Variants in ADRA1D observed in about 807,000 individuals in gnomAD.
ADRA1D encodes alpha-1D adrenergic receptor.
ADRA1D carries 22 observed loss-of-function variants against 18.6 expected under a neutral mutation model. The ratio of observed to expected loss-of-function variants is 1.19; its 90% CI spans 0.85 to 1.69. ADRA1D has a LOEUF of 1.69. Among genes scored for constraint, ADRA1D ranks in the 40% most tolerant of loss-of-function variants. The probability of loss-of-function intolerance (pLI) is 0.00; values close to 1 mark genes in which losing one functional copy is unlikely to be tolerated. For missense variants in ADRA1D, 840 were observed against 840.7 expected (o/e 1.00, Z 0.01); for synonymous variants, 376 against 388.2 (o/e 0.97, Z 0.37).
At chr20:4,233,550 A>G (rs1981019291) in intron 1 of ADRA1D, among the ~76,000 whole-genome samples, 2 of 152,066 alleles carry the variant, frequency 1.3e-5, no homozygotes, top group African/African-American at 4.8e-5. Context: ...GAGATCTGTT[A>G]GAAAAAAAAA....
intron 1 of ADRA1D, among the ~76,000 whole-genome samples, chr20:4,227,085 G>GC (rs1363199176): frequency 6.6e-6 from 1 of 152,190 alleles, no homozygotes; most frequent in Admixed American, 6.5e-5. Flanking sequence ...ATGGGGAACT[G>GC]CCCCAAGACC....
At chr20:4,247,565 C>A (rs923695471) in intron 1 of ADRA1D, among the ~76,000 whole-genome samples, 1 of 152,150 alleles carries the variant, frequency 6.6e-6, no homozygotes, top group Non-Finnish European at 1.5e-5. Flanking sequence ...TTTTCACAGA[C>A]GTTTTATTTT....
chr20:4,225,149 G>A (rs1026499138), intron 1 of ADRA1D, among the ~76,000 whole-genome samples: 1 of 151,480 alleles, frequency 6.6e-6, no homozygotes, highest in Non-Finnish European at 1.5e-5. Flanking sequence ...CTACAGGCAC[G>A]CACCACCATG....
rs1244980938 is a variant in ADRA1D, at chr20:4,221,815, C to T, written c.1427G>A (p.Gly476Asp). Residue 476 changes from glycine (G) to aspartate (D), a missense_variant, in exon 2 of 2, where the codon GGC (glycine) becomes GAC (aspartate). Gly to Asp is a moderately conservative substitution (Grantham distance 94). Transcript: ENST00000379453. ...GACCGGAGCCTGCATCTCGGGCGTG[C>T]CTGGGGGTTCGGGGTCGGGGTCGGG... The part of the protein sequence containing the change: ...ALPDPDPEPP[G>D]TPEMQAPVAS... 10 of 1,539,468 alleles carry T rather than the reference C, an allele frequency of 6.5e-6. No individual in the cohort carries two copies. In the Admixed American group the frequency reaches 1.9e-4, roughly 29 times the overall value.
intron 1 of ADRA1D, among the ~76,000 whole-genome samples, chr20:4,224,925 A>G (rs1157997121): frequency 6.6e-6 from 1 of 151,204 alleles, no homozygotes; most frequent in African/African-American, 2.4e-5. Flanking sequence ...AGGGTCCCAT[A>G]GCATCATATG....
intron 1 of ADRA1D, among the ~76,000 whole-genome samples, chr20:4,242,665 G>A (rs1981240881): frequency 6.6e-6 from 1 of 152,162 alleles, no homozygotes; most frequent in African/African-American, 2.4e-5. Flanking sequence ...TGATATCAGA[G>A]CCTCTGCCCA....
At chr20:4,237,211 C>A (rs1981112244) in intron 1 of ADRA1D, among the ~76,000 whole-genome samples, 1 of 151,876 alleles carries the variant, frequency 6.6e-6, no homozygotes, top group Admixed American at 6.6e-5. Context: ...GGGAGAGGGA[C>A]AAACTGACAT....
In ADRA1D at chr20:4,246,119, C is replaced by T. The variant is rs539065943; in HGVS notation, c.1111+1728G>A. On this transcript the variant is annotated intron_variant, in intron 1 of 1. Coordinates refer to ENST00000379453, the MANE Select transcript of ADRA1D (RefSeq NM_000678.4). ...GGGAGGGAGGCAGAGCTGGGATTGG[C>T]GCCAGAGCCTGTGATCCTCACTGCA... Among the ~76,000 whole-genome samples the T allele has an allele frequency of 3.3e-5, 5 of 152,248 alleles. No homozygotes were observed. The South Asian group carries it at 6.2e-4, about 19-fold the overall frequency.
At chr20:4,237,657 AT>A (rs11476310) in intron 1 of ADRA1D, among the ~76,000 whole-genome samples, 64,311 of 121,006 alleles carry the variant, frequency 0.53, 16,872 homozygotes, top group East Asian at 0.67. Flanking sequence ...TAATGTCAGG[AT>A]TTTTTTTTTT....
chr20:4,235,708 GA>G (rs1274791281), intron 1 of ADRA1D, among the ~76,000 whole-genome samples: 1 of 152,278 alleles, frequency 6.6e-6, no homozygotes, highest in African/African-American at 2.4e-5. Flanking sequence ...TCCCAGCACT[GA>G]GCCGCCTGGG....
At chr20:4,237,906 T>C (rs112941244) in intron 1 of ADRA1D, among the ~76,000 whole-genome samples, 1,847 of 146,708 alleles carry the variant, frequency 0.013, 37 homozygotes, top group African/African-American at 0.044. Context: ...GGTCTCGAAA[T>C]CCTGACCCAA....
chr20:4,224,152 GCTTTT>G, intron 1 of ADRA1D, among the ~76,000 whole-genome samples: 1 of 152,308 alleles, frequency 6.6e-6, no homozygotes, highest in Middle Eastern at 3.4e-3. Context: ...GTGAAGTTCA[GCTTTT>G]ATTTTGTGGA....
chr20:4,245,277 A>G (rs1194496669), intron 1 of ADRA1D, among the ~76,000 whole-genome samples: 1 of 152,252 alleles, frequency 6.6e-6, no homozygotes, highest in East Asian at 1.9e-4. Flanking sequence ...ATGTTGGGTG[A>G]AATGGCAAAT....
In ADRA1D at chr20:4,248,886, G is replaced by A; in HGVS notation, c.72C>T (p.Ser24=). The A allele has an allele frequency of 8.6e-7, 1 of 1,164,056 alleles. No homozygotes were observed. The highest frequency in any genetic ancestry group is 1.1e-6 in the Non-Finnish European group (1 of 942,158). The allele number at this position is 1,164,056 out of a possible 1,614,324, so 72.1% of individuals were successfully genotyped here. The change falls in exon 1 of 2, where the codon AGC becomes AGT. Residue 24 remains serine (S), a synonymous_variant. Coordinates refer to ENST00000379453, the MANE Select transcript of ADRA1D (RefSeq NM_000678.4). ...CCGCGCTGCCCCCGCCGCCGCCCGC[G>A]CTGGAGCCCCCTGCGCTGCTGTCCG... is the stretch of plus-strand genomic sequence containing the variant. ...PRPDSSAGGS[S]AGGGGGSAGG...
intron 1 of ADRA1D, among the ~76,000 whole-genome samples, chr20:4,227,740 TTCCTTCCTTCTTC>T: frequency 7.7e-6 from 1 of 129,336 alleles, no homozygotes; most frequent in Non-Finnish European, 1.6e-5. Flanking sequence ...CCTTCCTTCC[TTCCTTCCTTCTTC>T]TCTCTCTCTC....
At chr20:4,243,539 G>C (rs1389086517) in intron 1 of ADRA1D, among the ~76,000 whole-genome samples, 1 of 152,200 alleles carries the variant, frequency 6.6e-6, no homozygotes, top group African/African-American at 2.4e-5. Flanking sequence ...CTCCAAAGTG[G>C]AGCATCTCTG....
chr20:4,221,538 C>T lies in ADRA1D; in HGVS notation c.1704G>A (p.Arg568=). 1 of 1,610,938 alleles carries T rather than the reference C, an allele frequency of 6.2e-7. No individual in the cohort carries two copies. Among genetic ancestry groups the T allele is most frequent in the East Asian group, 2.2e-5 (1 of 44,770 alleles). ...TCTGGGGTCCTTAAATATCGGTCTC[C>T]CGTAGGTTGCTGTAGTCGGCCAATT... is the stretch of plus-strand genomic sequence containing the variant. ...AYELADYSNL[R]ETDI Residue 568 remains arginine (R), a synonymous_variant, in exon 2 of 2, where the codon CGG becomes CGA. Transcript: ENST00000379453.
chr20:4,243,164 A>C lies in ADRA1D; in HGVS notation c.1111+4683T>G, dbSNP rs1451207137. Among the ~76,000 whole-genome samples the C allele has an allele frequency of 5.9e-5, 9 of 152,108 alleles. No individual in the cohort carries two copies. In the East Asian group the frequency reaches 1.7e-3, roughly 29 times the overall value. On this transcript the variant is annotated intron_variant, in intron 1 of 1. Transcript: ENST00000379453. ...TCTAGGGTCAGGGGATTCTTGCACGAAGCTTCTCAGCGCAGAGGCTTCAGA... is the reference window on the plus strand; with the variant it reads ...TCTAGGGTCAGGGGATTCTTGCACGCAGCTTCTCAGCGCAGAGGCTTCAGA...
rs1416318898 is a variant in ADRA1D at position 4,221,634 on chromosome 20, G to T, written c.1608C>A (p.Arg536=). 1.9e-6 allele frequency: 3 copies of T among 1,613,116 alleles called. No homozygotes were observed. Among genetic ancestry groups the T allele is most frequent in the South Asian group, 2.2e-5 (2 of 91,042 alleles). The part of the protein sequence containing the change: ...AQRAEAACAQ[R]SEVEAVSLGV... ...CTAGGGACACAGCCTCCACCTCTGA[G>T]CGCTGGGCGCACGCTGCCTCTGCGC... is the stretch of plus-strand genomic sequence containing the variant. The change falls in exon 2 of 2, where the codon CGC becomes CGA. Residue 536 remains arginine (R), a synonymous_variant. Coordinates refer to ENST00000379453, the MANE Select transcript of ADRA1D (RefSeq NM_000678.4).
Sources: allele counts gnomAD v4.1 joint callset (sites outside exome capture counted in the v4.1 genomes callset), GRCh38; gene constraint gnomAD v4.1.1; transcripts MANE v1.5; gene names NCBI Gene and HGNC (gene_info 2026-07-23, HGNC 2026-07-21).